Variants in SLC6A3 observed in about 807,000 individuals in gnomAD.
SLC6A3 encodes the protein solute carrier family 6 member 3.
SLC6A3 carries 19 observed loss-of-function variants against 70.4 expected under a neutral mutation model. The observed-to-expected ratio is 0.27, with a 90% CI of 0.19 to 0.40. SLC6A3 has a LOEUF of 0.40. Among genes scored for constraint, SLC6A3 ranks in the 10% least tolerant of loss-of-function variants. The probability of loss-of-function intolerance (pLI) is 1.00; values close to 1 mark genes in which losing one functional copy is unlikely to be tolerated. For missense variants in SLC6A3, 613 were observed against 838.5 expected, an observed-to-expected ratio of 0.73 and a Z score of 3.32; for synonymous variants, 368 against 356.6, an observed-to-expected ratio of 1.03 and a Z score of -0.36.
chr5:1,398,855 T>C (rs1755779580), intron 14 of SLC6A3, among the ~76,000 whole-genome samples: 1 of 152,168 alleles, frequency 6.6e-6, no homozygotes, highest in South Asian at 2.1e-4. Context: ...CAAAACCTGA[T>C]AGAACTGAGG....
At position 1,438,473 on chromosome 5, in the gene SLC6A3, C is replaced by A; in HGVS notation, c.418+2886G>T. ...CTTCAGAACGAGGTGCCACTGCTCA[C>A]GCTGATGGAAGTCAGAGGTTCTCTA... On this transcript the variant is annotated intron_variant, in intron 3 of 14. Transcript: ENST00000270349. This position sits in a 1 kb window ranked among gnomAD's most constrained non-coding sequence, Gnocchi z 6.5. Among the ~76,000 whole-genome samples, 1 of 152,228 alleles carries A rather than the reference C, an allele frequency of 6.6e-6. No individual in the cohort carries two copies.
chr5:1,410,047 A>G (rs550374469), intron 9 of SLC6A3, among the ~76,000 whole-genome samples, 198 bp from the exon 10 acceptor site: 2 of 152,310 alleles, frequency 1.3e-5, no homozygotes, highest in Non-Finnish European at 2.9e-5. Context: ...CGACCGCAGG[A>G]GAGAGGACCC....
rs1409289692 is a variant in SLC6A3 at position 1,397,192 on chromosome 5, A to G, written c.1840-2434T>C. ...ACAGAAAGGCAGAAGGCAATCTTTC[A>G]GTGTGTGGCTGCAAAATTCACAGAA... On this transcript the variant is annotated intron_variant, in intron 14 of 14. Transcript: ENST00000270349. This position sits in a 1 kb window ranked among gnomAD's most constrained non-coding sequence, Gnocchi z 4.7. Among the ~76,000 whole-genome samples the G allele has an allele frequency of 6.6e-6, 1 of 152,254 alleles. No individual in the cohort carries two copies. The highest frequency in any genetic ancestry group is 1.5e-5 in the Non-Finnish European group (1 of 68,048).
Position 1,394,501 on chromosome 5 carries a change from G to A in SLC6A3, c.*234C>T, listed in dbSNP as rs1383416592. 1.1e-5 allele frequency: 7 copies of A among 634,668 alleles called. No homozygotes were observed. Among genetic ancestry groups the A allele is most frequent in the African/African-American group, 1.8e-5 (1 of 55,134 alleles). 39.3% of individuals were successfully genotyped at this position (634,668 alleles called of 1,614,324 possible). A position where few individuals can be genotyped will look rare whatever the true frequency, so the allele number is the denominator to read the frequency against. Reference sequence around the variant, plus strand: ...CAGGGACAACAACGGGGTGGACCTCGCTGCACAGATCTACGTCGTTATTAC... The same window carrying A: ...CAGGGACAACAACGGGGTGGACCTCACTGCACAGATCTACGTCGTTATTAC... On this transcript the variant is annotated 3_prime_UTR_variant, in exon 15 of 15. Transcript: ENST00000270349. This position sits in a 1 kb window ranked among gnomAD's most constrained non-coding sequence, Gnocchi z 4.7.
intron 1 of SLC6A3, 150 bp from the exon 2 acceptor site, chr5:1,443,392 G>T: frequency 1.5e-6 from 1 of 683,954 alleles, no homozygotes; most frequent in Non-Finnish European, 2.6e-6. Context: ...CGCCTGAGAT[G>T]GTACAGCTGG....
Position 1,411,227 on chromosome 5 carries a change from G to T in SLC6A3, c.1269+16C>A. On this transcript the variant is annotated intron_variant, in intron 9 of 14. Coordinates refer to ENST00000270349, the MANE Select transcript of SLC6A3 (RefSeq NM_001044.5). The surrounding 1 kb of genome is among the most constrained non-coding windows in gnomAD (Gnocchi z 6.5). ...CCAACTGCCGAGGACAGGGCCGGGC[G>T]GTGCGGGTTACTCACGGCGCTGTCG... 3 of 1,515,708 alleles carry T rather than the reference G, an allele frequency of 2.0e-6. No homozygotes were observed. Among genetic ancestry groups the T allele is most frequent in the Non-Finnish European group, 2.7e-6 (3 of 1,115,378 alleles). 93.9% of individuals were successfully genotyped at this position (1,515,708 alleles called of 1,614,324 possible).
rs1186870260 is a variant in SLC6A3, at chr5:1,394,029, G to A, written c.*706C>T. ...CCGCAAGGACCCACAGGCTGCCTGA[G>A]TGGCAGTAGCCTGAGCTGGTTTCAA... On this transcript the variant is annotated 3_prime_UTR_variant, in exon 15 of 15. Transcript: ENST00000270349. The surrounding 1 kb of genome is among the most constrained non-coding windows in gnomAD (Gnocchi z 4.7). 6.4e-6 allele frequency: 1 copy of A among 156,130 alleles called. No individual in the cohort carries two copies. Among genetic ancestry groups the A allele is most frequent in the Non-Finnish European group, 1.4e-5 (1 of 69,196 alleles). 9.7% of individuals were successfully genotyped at this position (156,130 alleles called of 1,614,324 possible). A position where few individuals can be genotyped will look rare whatever the true frequency, so the allele number is the denominator to read the frequency against.
intron 1 of SLC6A3, among the ~76,000 whole-genome samples, chr5:1,445,026 C>A (rs370269420): frequency 1.7e-3 from 258 of 152,324 alleles, no homozygotes; most frequent in African/African-American, 5.9e-3. Context: ...GAGAAGAAAC[C>A]AGGACCCCCG....
chr5:1,410,829 C>T (rs1374087537), intron 9 of SLC6A3, among the ~76,000 whole-genome samples: 2 of 151,444 alleles, frequency 1.3e-5, no homozygotes, highest in Non-Finnish European at 2.9e-5. Context: ...TGCGTGTGTG[C>T]ATGTGTGTGT....
rs115585382 is a variant in SLC6A3, at chr5:1,431,265, C to T, written c.653+1199G>A. ...ACGACCCTTCCAGGCTGGGCCAGGC[C>T]ATTGGTGACGAGGGAGGGCCAGCAG... On this transcript the variant is annotated intron_variant, in intron 4 of 14. Coordinates refer to ENST00000270349, the MANE Select transcript of SLC6A3 (RefSeq NM_001044.5). 7.2e-3 allele frequency among the ~76,000 whole-genome samples: 1,102 copies of T among 152,332 alleles called. 15 individuals carry two copies. The highest frequency in any genetic ancestry group is 0.024 in the African/African-American group (995 of 41,566).
intron 3 of SLC6A3, among the ~76,000 whole-genome samples, chr5:1,440,282 T>A (rs1756942968): frequency 6.6e-6 from 1 of 151,958 alleles, no homozygotes; most frequent in African/African-American, 2.4e-5. Context: ...GATGAATGGA[T>A]GAATGAATGG....
chr5:1,440,165 T>TCCATACATAGATGGATGGATGGATG (rs1560927299), intron 3 of SLC6A3, among the ~76,000 whole-genome samples: 1 of 151,926 alleles, frequency 6.6e-6, no homozygotes, highest in Non-Finnish European at 1.5e-5. Flanking sequence ...ATGGATGGAT[T>TCCATACATAGATGGATGGATGGATG]AATCCATACA....
chr5:1,444,989 C>T (rs570116092), intron 1 of SLC6A3, among the ~76,000 whole-genome samples: 131 of 152,310 alleles, frequency 8.6e-4, no homozygotes, highest in African/African-American at 2.8e-3. Flanking sequence ...TGGGATGCGC[C>T]GCACCCCTAG....
intron 8 of SLC6A3, 124 bp downstream of exon 8, chr5:1,414,567 A>G (rs1261175677): frequency 1.9e-6 from 2 of 1,046,338 alleles, no homozygotes; most frequent in Non-Finnish European, 2.8e-6. Flanking sequence ...GTGAGGCAGC[A>G]ACTCTCACTG....
chr5:1,403,489 T>A (rs1755901539), intron 12 of SLC6A3, among the ~76,000 whole-genome samples: 1 of 140,008 alleles, frequency 7.1e-6, no homozygotes, highest in Non-Finnish European at 1.6e-5. Context: ...CATCATGTTC[T>A]ATTCCATCCC....
intron 7 of SLC6A3, 152 bp downstream of exon 7, chr5:1,415,946 G>T: frequency 2.9e-6 from 2 of 693,744 alleles, no homozygotes; most frequent in South Asian, 3.0e-5. Flanking sequence ...GAGCTGCCTC[G>T]CTGTCGCTTC....
chr5:1,421,808 A>G lies in SLC6A3; in HGVS notation c.792+68T>C. On this transcript the variant is annotated intron_variant, in intron 5 of 14. Transcript: ENST00000270349. The surrounding 1 kb of genome is among the most constrained non-coding windows in gnomAD (Gnocchi z 7.2). ...GAGGCCACACGTGCACCTCCTGTCC[A>G]GCCACGGCCACATGTCCACTTGGTG... The G allele has an allele frequency of 6.4e-7, 1 of 1,570,426 alleles. No homozygotes were observed. Among genetic ancestry groups the G allele is most frequent in the Non-Finnish European group, 8.7e-7 (1 of 1,143,094 alleles).
In SLC6A3 at chr5:1,402,749, C is replaced by T. The variant is rs1157700896; in HGVS notation, c.1767+173G>A. On this transcript the variant is annotated intron_variant, in intron 13 of 14. Coordinates refer to ENST00000270349, the MANE Select transcript of SLC6A3 (RefSeq NM_001044.5). This position sits in a 1 kb window ranked among gnomAD's most constrained non-coding sequence, Gnocchi z 8.5. ...ATGGACGCACACCCATGGGCCCGGGCGTGCAGGTGGACACACACACGCACA... is the reference window on the plus strand; with the variant it reads ...ATGGACGCACACCCATGGGCCCGGGTGTGCAGGTGGACACACACACGCACA... Among the ~76,000 whole-genome samples the T allele has an allele frequency of 1.3e-5, 2 of 152,154 alleles. No individual in the cohort carries two copies. Among genetic ancestry groups the T allele is most frequent in the African/African-American group, 2.4e-5 (1 of 41,420 alleles).
At position 1,421,114 on chromosome 5, in the gene SLC6A3, G is replaced by C. The variant is rs995823862; in HGVS notation, c.793-411C>G. Among the ~76,000 whole-genome samples the C allele has an allele frequency of 6.6e-6, 1 of 152,062 alleles. No homozygotes were observed. The highest frequency in any genetic ancestry group is 2.4e-5 in the African/African-American group (1 of 41,390). ...TCCCGTGGCTGGTGCCATACTACAC[G>C]CACTTTTCCAAGGGAGGAGTCGTAT... On this transcript the variant is annotated intron_variant, in intron 5 of 14. Transcript: ENST00000270349. The surrounding 1 kb of genome is among the most constrained non-coding windows in gnomAD (Gnocchi z 7.2).
Sources: allele counts gnomAD v4.1 joint callset (sites outside exome capture counted in the v4.1 genomes callset), GRCh38; gene constraint gnomAD v4.1.1; non-coding constraint Gnocchi (gnomAD v3.1); transcripts MANE v1.5; gene names NCBI Gene and HGNC (gene_info 2026-07-23, HGNC 2026-07-21).